Variants in ACSS2 observed in about 807,000 individuals in gnomAD.
ACSS2 encodes the protein acyl-CoA synthetase short chain family member 2, also known as acetyl-coenzyme A synthetase, cytoplasmic.
Under a neutral mutation model 90.6 loss-of-function variants are expected in ACSS2, and 58 were observed. The observed-to-expected ratio is 0.64, with a 90% CI of 0.52 to 0.80. ACSS2 has a LOEUF of 0.80. Ranked by LOEUF, ACSS2 falls within the 30% of genes least tolerant of loss-of-function variation. The pLI, the probability that ACSS2 is intolerant of heterozygous loss-of-function variation, is 0.00. For missense variants in ACSS2, 759 were observed against 912.0 expected, an observed-to-expected ratio of 0.83 and a Z score of 2.16; for synonymous variants, 300 against 330.9, an observed-to-expected ratio of 0.91 and a Z score of 1.01.
At position 34,925,785 on chromosome 20, in the gene ACSS2, C is replaced by A. The variant is rs1308401477; in HGVS notation, c.1726+19C>A. The stretch of plus-strand genomic sequence containing the variant: ...GTATCTGGTGAGGGCCAGGGGCCAC[C>A]TTCCCATCTTATTAACTCTGCTCCT... On this transcript the variant is annotated intron_variant, in intron 15 of 17. Coordinates refer to ENST00000360596, the MANE Select transcript of ACSS2 (RefSeq NM_018677.4). The A allele has an allele frequency of 9.3e-6, 15 of 1,608,568 alleles. No individual in the cohort carries two copies. Among genetic ancestry groups the A allele is most frequent in the Non-Finnish European group, 1.3e-5 (15 of 1,177,594 alleles).
intron 2 of ACSS2, among the ~76,000 whole-genome samples, chr20:34,911,390 G>T (rs2080954681): frequency 1.3e-5 from 2 of 151,752 alleles, no homozygotes; most frequent in African/African-American, 4.8e-5. Context: ...GTTTCTCCAT[G>T]TTGGTCAGGC....
At chr20:34,884,553 CTTAT>C (rs1325374579) in intron 2 of ACSS2, among the ~76,000 whole-genome samples, 2 of 152,180 alleles carry the variant, frequency 1.3e-5, no homozygotes, top group African/African-American at 4.8e-5. Flanking sequence ...TGTAAAAGCA[CTTAT>C]TTGTTTATTG....
chr20:34,899,358 T>TC (rs1442895197), intron 2 of ACSS2, among the ~76,000 whole-genome samples: 1 of 152,232 alleles, frequency 6.6e-6, no homozygotes, highest in Admixed American at 6.5e-5. Flanking sequence ...CAGCACGCTG[T>TC]CACCTCTCAA....
chr20:34,886,066 G>T (rs1447489172), intron 2 of ACSS2, among the ~76,000 whole-genome samples: 1 of 151,884 alleles, frequency 6.6e-6, no homozygotes, highest in Non-Finnish European at 1.5e-5. Flanking sequence ...CCGGATATGT[G>T]GTTACATCCC....
At chr20:34,906,457 A>G (rs2080808778) in intron 2 of ACSS2, among the ~76,000 whole-genome samples, 1 of 152,236 alleles carries the variant, frequency 6.6e-6, no homozygotes, top group African/African-American at 2.4e-5. Flanking sequence ...TATGTCAGAG[A>G]AAGAAGACAC....
intron 8 of ACSS2, among the ~76,000 whole-genome samples, chr20:34,920,264 C>T (rs1031722106): frequency 6.6e-6 from 1 of 152,164 alleles, no homozygotes; most frequent in Non-Finnish European, 1.5e-5. Flanking sequence ...GCTATGAGTG[C>T]TCATGTGTGA....
At chr20:34,903,696 G>A (rs1328335316) in intron 2 of ACSS2, among the ~76,000 whole-genome samples, 3 of 151,856 alleles carry the variant, frequency 2.0e-5, no homozygotes, top group Non-Finnish European at 4.4e-5. Flanking sequence ...TGCCTTGCTT[G>A]TAGTTCTAGG....
intron 1 of ACSS2, 37 bp from the exon 2 acceptor site, chr20:34,882,757 A>G: frequency 1.3e-6 from 2 of 1,597,594 alleles, no homozygotes; most frequent in Non-Finnish European, 1.7e-6. Flanking sequence ...TATGTCTCAG[A>G]AGATTAATGA....
At chr20:34,906,030 T>C (rs2080792125) in intron 2 of ACSS2, among the ~76,000 whole-genome samples, 2 of 152,204 alleles carry the variant, frequency 1.3e-5, no homozygotes, top group African/African-American at 4.8e-5. Context: ...AAATTGGATG[T>C]TCTTTTAAGA....
intron 2 of ACSS2, among the ~76,000 whole-genome samples, chr20:34,906,983 CAAAAAA>C (rs1228479859): frequency 2.4e-5 from 1 of 41,596 alleles, no homozygotes; most frequent in Admixed American, 2.4e-4. Context: ...GACTCCATCT[CAAAAAA>C]AAAAAAAAAA....
chr20:34,905,186 G>A (rs1213877325), intron 2 of ACSS2, among the ~76,000 whole-genome samples: 2 of 151,828 alleles, frequency 1.3e-5, no homozygotes, highest in East Asian at 3.9e-4. Flanking sequence ...CCAGAGTGCT[G>A]GTATTATGGC....
chr20:34,915,276 C>A (rs762259177), intron 7 of ACSS2: 1 of 1,613,792 alleles, frequency 6.2e-7, no homozygotes, highest in South Asian at 1.1e-5. Flanking sequence ...TCTGCACTGC[C>A]GTGGGCACCG....
At chr20:34,894,807 C>CAG in intron 2 of ACSS2, among the ~76,000 whole-genome samples, 1 of 152,254 alleles carries the variant, frequency 6.6e-6, no homozygotes, top group African/African-American at 2.4e-5. Context: ...AGAATAGGCT[C>CAG]AGAGAGAGGG....
intron 2 of ACSS2, among the ~76,000 whole-genome samples, chr20:34,906,893 A>G (rs1030119589): frequency 6.8e-6 from 1 of 147,964 alleles, no homozygotes; most frequent in South Asian, 2.2e-4. Context: ...TGAGGCAGGG[A>G]GAATTGCTTG....
chr20:34,890,543 G>A (rs1232239692), intron 2 of ACSS2, among the ~76,000 whole-genome samples: 2 of 152,142 alleles, frequency 1.3e-5, no homozygotes, highest in East Asian at 3.8e-4. Context: ...TTTATAAGGA[G>A]AGGGTGGAAA....
In ACSS2 at chr20:34,880,787, G is replaced by A. The variant is rs371505176; in HGVS notation, c.179-2007G>A. 3.3e-5 allele frequency among the ~76,000 whole-genome samples: 5 copies of A among 151,962 alleles called. No homozygotes were observed. In the East Asian group the frequency reaches 5.8e-4, roughly 18 times the overall value. ...TTGGATTTCTTTAATACATTACAAC[G>A]TTGTACACTATGTGATTTAGCTTTC... On this transcript the variant is annotated intron_variant, in intron 1 of 17. Coordinates refer to ENST00000360596, the MANE Select transcript of ACSS2 (RefSeq NM_018677.4).
At chr20:34,880,894 G>A (rs1051183454) in intron 1 of ACSS2, among the ~76,000 whole-genome samples, 1 of 151,614 alleles carries the variant, frequency 6.6e-6, no homozygotes, top group Non-Finnish European at 1.5e-5. Flanking sequence ...GCTCTAAATT[G>A]TGTAACCTGA....
At chr20:34,925,022 G>A (rs945675294) in intron 14 of ACSS2, among the ~76,000 whole-genome samples, 19 of 152,198 alleles carry the variant, frequency 1.2e-4, no homozygotes, top group African/African-American at 4.3e-4. Context: ...GGAGTGCTAA[G>A]AATTGATTTA....
chr20:34,884,810 G>A (rs2080150431), intron 2 of ACSS2, among the ~76,000 whole-genome samples: 2 of 152,166 alleles, frequency 1.3e-5, no homozygotes, highest in South Asian at 2.1e-4. Context: ...TGTAATCCCA[G>A]CACTTTGGGA....
Sources: gnomAD v4.1 joint callset for allele counts (sites outside exome capture counted in the v4.1 genomes callset) on GRCh38, gnomAD v4.1.1 for gene constraint, MANE v1.5 for transcripts, NCBI Gene and HGNC (gene_info 2026-07-23, HGNC 2026-07-21) for gene names.